Variants in RGS22 observed in about 807,000 individuals in gnomAD.
The protein encoded by RGS22 is regulator of G-protein signaling 22.
RGS22 carries 148 observed loss-of-function variants against 172.9 expected under a neutral mutation model. The observed-to-expected ratio is 0.86, with a 90% CI of 0.75 to 0.98. The LOEUF is 0.98. Among genes scored for constraint, RGS22 ranks in the 50% least tolerant of loss-of-function variants. The pLI is 0.00. For synonymous variants in RGS22, 458 were observed against 480.2 expected (o/e 0.95, Z 0.60); for missense variants, 1,347 against 1,440.8 (o/e 0.93, Z 1.05).
At chr8:100,056,410 C>G (rs1251378652) in intron 9 of RGS22, among the ~76,000 whole-genome samples, 1 of 152,168 alleles carries the variant, frequency 6.6e-6, no homozygotes, top group African/African-American at 2.4e-5. Context: ...AAATGTTAAT[C>G]GCCAAGACAA....
chr8:100,007,095 A>T (rs1815809599), intron 15 of RGS22, among the ~76,000 whole-genome samples: 1 of 152,180 alleles, frequency 6.6e-6, no homozygotes, highest in African/African-American at 2.4e-5. Context: ...GACAAAGAGA[A>T]ATCTAATTAT....
At chr8:100,031,122 G>A (rs1332969298) in intron 14 of RGS22, among the ~76,000 whole-genome samples, 1 of 152,096 alleles carries the variant, frequency 6.6e-6, no homozygotes, top group Non-Finnish European at 1.5e-5. Flanking sequence ...TTCCAAACCA[G>A]TAGAGGAAAA....
At chr8:100,035,694 A>G (rs1819371498) in intron 14 of RGS22, among the ~76,000 whole-genome samples, 1 of 152,194 alleles carries the variant, frequency 6.6e-6, no homozygotes, top group South Asian at 2.1e-4. Context: ...AATAGCAAAA[A>G]CTTGGGACTA....
intron 3 of RGS22, among the ~76,000 whole-genome samples, chr8:100,082,446 T>C (rs1811834633): frequency 6.6e-6 from 1 of 152,212 alleles, no homozygotes; most frequent in Non-Finnish European, 1.5e-5. Context: ...GTGTGCTCAA[T>C]GTTTAGCTCC....
At chr8:100,072,832 C>A (rs1318266316) in intron 4 of RGS22, among the ~76,000 whole-genome samples, 1 of 152,120 alleles carries the variant, frequency 6.6e-6, no homozygotes, top group Non-Finnish European at 1.5e-5. Context: ...CACTCTCTGA[C>A]CCGAAGCAAA....
chr8:100,069,563 C>G (rs1378901791), intron 6 of RGS22, among the ~76,000 whole-genome samples: 1 of 152,100 alleles, frequency 6.6e-6, no homozygotes, highest in Non-Finnish European at 1.5e-5. Context: ...TTGATAACAA[C>G]TAAACAATAA....
chr8:100,067,418 T>C (rs1250820388), intron 6 of RGS22, among the ~76,000 whole-genome samples: 1 of 152,086 alleles, frequency 6.6e-6, no homozygotes, highest in African/African-American at 2.4e-5. Flanking sequence ...TAACATATAA[T>C]TATCGAGTGA....
rs763307512 is a variant in RGS22 at position 99,999,356 on chromosome 8, A to G, written c.2855T>C (p.Val952Ala). ...ATTTTGCACATGCTTCTGGATTTCA[A>G]CTAGAACAGGTGCATCAAGCTGCTC... is the stretch of plus-strand genomic sequence containing the variant. ...LHEQLDAPVL[V>A]EIQKHVQNRL... is the part of the protein sequence containing the mutation. The change falls in exon 19 of 28, where the codon GTT (valine) becomes GCT (alanine). Residue 952 changes from valine (V) to alanine (A), a missense_variant. By Grantham distance (64) the Val-to-Ala change is moderately conservative. Transcript: ENST00000360863. 13 of 1,613,828 alleles carry G rather than the reference A, an allele frequency of 8.1e-6. No homozygotes were observed. Among genetic ancestry groups the G allele is most frequent in the Admixed American group, 1.7e-5 (1 of 59,952 alleles).
chr8:100,034,402 T>G (rs1819207094), intron 14 of RGS22, among the ~76,000 whole-genome samples: 4 of 152,090 alleles, frequency 2.6e-5, no homozygotes. Flanking sequence ...GGAATCCAAC[T>G]TACAAGGGAT....
rs545180302 is a variant in RGS22, at chr8:100,080,176, G to A, written c.297C>T (p.Ala99=). 14 of 1,612,730 alleles carry A rather than the reference G, an allele frequency of 8.7e-6. No homozygotes were observed. Among genetic ancestry groups the A allele is most frequent in the African/African-American group, 2.7e-5 (2 of 74,932 alleles). The stretch of plus-strand genomic sequence containing the variant: ...CATTAATGGTCTCATCTTCATCGGG[G>A]GCATTCATTTGAACAGGTTTAACCT... ...KNEVKPVQMN[A]PDEDETINVN... The change falls in exon 4 of 28, where the codon GCC becomes GCT. Residue 99 remains alanine, a synonymous_variant. Transcript: ENST00000360863.
rs568928072 is a variant in RGS22 at position 100,081,324 on chromosome 8, T to C, written c.118-969A>G. Among the ~76,000 whole-genome samples, 3 of 149,820 alleles carry C rather than the reference T, an allele frequency of 2.0e-5. No individual in the cohort carries two copies. In the Admixed American group the frequency reaches 2.0e-4, roughly 10 times the overall value. ...AAAGTGGCAGAATTTCACAGTAAAA[T>C]TGGAACTAGAAGTATGTGTATATAT... On this transcript the variant is annotated intron_variant, in intron 3 of 27. Transcript: ENST00000360863.
intron 14 of RGS22, among the ~76,000 whole-genome samples, chr8:100,011,169 A>G (rs973206893): frequency 1.3e-5 from 2 of 152,222 alleles, no homozygotes; most frequent in Admixed American, 6.5e-5. Context: ...AGGGAGGCAG[A>G]GACCAGAGCA....
chr8:99,982,181 T>A, intron 21 of RGS22, 65 bp from the exon 22 acceptor site: 1 of 1,228,060 alleles, frequency 8.1e-7, no homozygotes, highest in Non-Finnish European at 1.1e-6. Context: ...AATAGAACTG[T>A]ATCAATATGT....
intron 11 of RGS22, among the ~76,000 whole-genome samples, chr8:100,047,182 A>T (rs1338095375): frequency 6.6e-6 from 1 of 152,148 alleles, no homozygotes; most frequent in Non-Finnish European, 1.5e-5. Context: ...ATATAGAATT[A>T]TTGAATAGAG....
At chr8:100,016,952 C>T (rs921735778) in intron 14 of RGS22, among the ~76,000 whole-genome samples, 5 of 143,494 alleles carry the variant, frequency 3.5e-5, no homozygotes, top group Non-Finnish European at 7.5e-5. Context: ...AATACACTCT[C>T]CCTACATCCC....
chr8:99,969,145 G>A (rs1429060488), intron 23 of RGS22, among the ~76,000 whole-genome samples: 1 of 152,124 alleles, frequency 6.6e-6, no homozygotes, highest in Non-Finnish European at 1.5e-5. Flanking sequence ...ACCAAACTAA[G>A]CTTCATAAGT....
In RGS22 at chr8:100,063,702, A is replaced by G. The variant is rs150650635; in HGVS notation, c.1066T>C (p.Cys356Arg). Residue 356 changes from cysteine (C) to arginine (R), a missense_variant, in exon 8 of 28, where the codon TGT (cysteine) becomes CGT (arginine). Cys to Arg is a radical substitution (Grantham distance 180). Coordinates refer to ENST00000360863, the MANE Select transcript of RGS22 (RefSeq NM_015668.5). The part of the protein sequence containing the change: ...NNITKVSFDD[C>R]FESIHGKNFL... ...TTCTTGCCATGAATAGACTCAAAAC[A>G]ATCATCAAATGACACTTTTGTTATA... 326 of 1,613,982 alleles carry G rather than the reference A, an allele frequency of 2.0e-4. 3 individuals carry two copies. The East Asian group carries it at 7.2e-3, about 35-fold the overall frequency.
At chr8:100,039,434 G>A (rs2131594033) in intron 13 of RGS22, among the ~76,000 whole-genome samples, 1 of 149,262 alleles carries the variant, frequency 6.7e-6, no homozygotes, top group East Asian at 2.0e-4. Flanking sequence ...CTAGAGTGCA[G>A]TGGTGCAATC....
In RGS22 at chr8:100,003,940, C is replaced by A; in HGVS notation, c.2613G>T (p.Glu871Asp). The A allele has an allele frequency of 6.2e-7, 1 of 1,605,338 alleles. No individual in the cohort carries two copies. The highest frequency in any genetic ancestry group is 1.1e-5 in the South Asian group (1 of 89,534). The change falls in exon 17 of 28, where the codon GAG (glutamate) becomes GAT (aspartate). Residue 871 changes from glutamate to aspartate, a missense_variant. By Grantham distance (45) the Glu-to-Asp change is conservative. Coordinates refer to ENST00000360863, the MANE Select transcript of RGS22 (RefSeq NM_015668.5). ...LEFEHFRQFL[E>D]THSSSMDLMC... ...ATGTCCCTCACCTTGAAGAATGAGTCTCAAGAAACTGACGGAAATGTTCAA... is the reference window on the plus strand; with the variant it reads ...ATGTCCCTCACCTTGAAGAATGAGTATCAAGAAACTGACGGAAATGTTCAA...
Sources: allele counts gnomAD v4.1 joint callset (sites outside exome capture counted in the v4.1 genomes callset), GRCh38; gene constraint gnomAD v4.1.1; transcripts MANE v1.5; gene names NCBI Gene and HGNC (gene_info 2026-07-23, HGNC 2026-07-21).